Variants in FGF14 observed in about 807,000 individuals in gnomAD.
FGF14 encodes the protein fibroblast growth factor 14, also known as fibroblast growth factor homologous factor 4.
Under a neutral mutation model 25.5 loss-of-function variants are expected in FGF14, and 5 were observed. That is an observed-to-expected ratio of 0.20 (90% CI 0.10 to 0.41). FGF14 has a LOEUF of 0.41. Ranked by LOEUF, FGF14 falls within the 10% of genes least tolerant of loss-of-function variation. The pLI, the probability that FGF14 is intolerant of heterozygous loss-of-function variation, is 1.00. For synonymous variants in FGF14, 138 were observed against 118.3 expected, an observed-to-expected ratio of 1.17 and a Z score of -1.08; for missense variants, 222 against 320.1, an observed-to-expected ratio of 0.69 and a Z score of 2.34.
rs147136077 is a variant in FGF14 at position 102,109,516 on chromosome 13, A to G, written c.209-234220T>C. On this transcript the variant is annotated intron_variant, in intron 1 of 4. Transcript: ENST00000376131. Reference sequence around the variant, plus strand: ...TATATATCAAAACACCATGTTGTATACCATAAATATATACAATTATAATTT... The same window carrying G: ...TATATATCAAAACACCATGTTGTATGCCATAAATATATACAATTATAATTT... Among the ~76,000 whole-genome samples, 658 of 152,310 alleles carry G rather than the reference A, an allele frequency of 4.3e-3. 9 individuals are homozygous for G. Among genetic ancestry groups the G allele is most frequent in the African/African-American group, 0.015 (610 of 41,554 alleles).
At chr13:102,032,128 T>C (rs9557789) in intron 1 of FGF14, among the ~76,000 whole-genome samples, 56,240 of 151,850 alleles carry the variant, frequency 0.37, 11,059 homozygotes, top group East Asian at 0.73. Context: ...CTCCACATTC[T>C]CCTCAGACCA....
At position 101,739,291 on chromosome 13, in the gene FGF14, T is replaced by C. The variant is rs547966521; in HGVS notation, c.409-12481A>G. ...CAGTAAATATTTAGTGAGATCCTAG[T>C]ATTTAGCCATCACTGTTCTTGATCT... On this transcript the variant is annotated intron_variant, in intron 3 of 4. Coordinates refer to ENST00000376143, the MANE Select transcript of FGF14 (RefSeq NM_004115.4). 8.9e-4 allele frequency among the ~76,000 whole-genome samples: 136 copies of C among 152,152 alleles called. No individual in the cohort carries two copies. In the Middle Eastern group the frequency reaches 0.014, roughly 15 times the overall value.
At chr13:102,006,134 TAAG>T (rs922596006) in intron 1 of FGF14, among the ~76,000 whole-genome samples, 1 of 152,208 alleles carries the variant, frequency 6.6e-6, no homozygotes, top group African/African-American at 2.4e-5. Context: ...ATTCTGTCAT[TAAG>T]AAGTTTAAAA....
intron 3 of FGF14, among the ~76,000 whole-genome samples, chr13:101,762,030 G>C (rs574457511): frequency 1.2e-3 from 177 of 152,296 alleles, no homozygotes; most frequent in African/African-American, 4.0e-3. Flanking sequence ...ATAGGTTGAT[G>C]ATCTGTGTAG....
At chr13:101,962,817 C>T (rs1265257460) in intron 1 of FGF14, among the ~76,000 whole-genome samples, 2 of 152,268 alleles carry the variant, frequency 1.3e-5, no homozygotes, top group African/African-American at 2.4e-5. Flanking sequence ...CTTGCTGCTC[C>T]GTTTCCCTAT....
chr13:101,784,724 T>A (rs78080642), intron 3 of FGF14, among the ~76,000 whole-genome samples: 1 of 152,340 alleles, frequency 6.6e-6, no homozygotes, highest in African/African-American at 2.4e-5. Flanking sequence ...ATTTTACTCA[T>A]GGCTTTCCAG....
chr13:101,979,798 T>C (rs927933470), intron 1 of FGF14, among the ~76,000 whole-genome samples: 1 of 152,150 alleles, frequency 6.6e-6, no homozygotes, highest in Non-Finnish European at 1.5e-5. Context: ...GAACTGATTA[T>C]ACGAGGAAAA....
intron 1 of FGF14, among the ~76,000 whole-genome samples, chr13:101,977,956 A>G: frequency 6.7e-6 from 1 of 149,368 alleles, no homozygotes; most frequent in Admixed American, 6.7e-5. Context: ...AAAAAAAAAA[A>G]CTAGCATATA....
intron 1 of FGF14, among the ~76,000 whole-genome samples, chr13:102,272,740 C>A (rs1566886397): frequency 6.6e-6 from 1 of 152,012 alleles, no homozygotes; most frequent in South Asian, 2.1e-4. Context: ...AGCCCAAGAT[C>A]GTATAGATAT....
chr13:102,032,964 A>C (rs1321210235), intron 1 of FGF14, among the ~76,000 whole-genome samples: 2 of 151,970 alleles, frequency 1.3e-5, no homozygotes. Flanking sequence ...GTGGTCCAAG[A>C]CTCTTCAGAG....
At chr13:101,759,269 A>G (rs915293142) in intron 3 of FGF14, among the ~76,000 whole-genome samples, 3 of 152,092 alleles carry the variant, frequency 2.0e-5, no homozygotes, top group Non-Finnish European at 4.4e-5. Context: ...CTCAACTGGG[A>G]GTCTGAATCT....
At chr13:101,958,689 C>T (rs746553857) in intron 1 of FGF14, among the ~76,000 whole-genome samples, 1 of 152,220 alleles carries the variant, frequency 6.6e-6, no homozygotes, top group Non-Finnish European at 1.5e-5. Flanking sequence ...AAGCCAGCCT[C>T]ACACTCAGAT....
chr13:101,796,752 T>A (rs2040546346), intron 3 of FGF14, among the ~76,000 whole-genome samples: 1 of 152,064 alleles, frequency 6.6e-6, no homozygotes, highest in African/African-American at 2.4e-5. Flanking sequence ...GGCACCTTGA[T>A]TTCAGAATTC....
At chr13:101,794,415 G>A (rs2040407614) in intron 3 of FGF14, among the ~76,000 whole-genome samples, 1 of 152,106 alleles carries the variant, frequency 6.6e-6, no homozygotes, top group African/African-American at 2.4e-5. Context: ...AAGGGACTGA[G>A]ATAAATACCA....
intron 1 of FGF14, among the ~76,000 whole-genome samples, chr13:102,220,032 T>C (rs2050539741): frequency 6.6e-6 from 1 of 152,158 alleles, no homozygotes; most frequent in Non-Finnish European, 1.5e-5. Context: ...ATTATTAATA[T>C]GAATAATAAT....
chr13:102,104,085 C>A (rs1024602030), intron 1 of FGF14, among the ~76,000 whole-genome samples: 1 of 152,206 alleles, frequency 6.6e-6, no homozygotes, highest in Non-Finnish European at 1.5e-5. Context: ...TCAAGTAGTA[C>A]ATTTATCTTC....
In FGF14 at chr13:101,721,747, C is replaced by T. The variant is rs567073335; in HGVS notation, c.*1084G>A. ...CATGCTCTGCTGAGTATGAGGGGAA[C>T]GCAGCCAGAAACGGGGATGGCGTTA... On this transcript the variant is annotated 3_prime_UTR_variant, in exon 5 of 5. Coordinates refer to ENST00000376143, the MANE Select transcript of FGF14 (RefSeq NM_004115.4). 1.3e-5 allele frequency: 2 copies of T among 152,136 alleles called. No individual in the cohort carries two copies. The highest frequency in any genetic ancestry group is 6.5e-5 in the Admixed American group (1 of 15,268). 9.4% of individuals were successfully genotyped at this position (152,136 alleles called of 1,614,324 possible).
chr13:101,814,741 G>A (rs1250576248), intron 3 of FGF14, among the ~76,000 whole-genome samples: 1 of 152,204 alleles, frequency 6.6e-6, no homozygotes, highest in Non-Finnish European at 1.5e-5. Context: ...ACAGGGATCA[G>A]TGAGTAAGCA....
rs1049123627 is a variant in FGF14 at position 101,747,047 on chromosome 13, T to C, written c.409-20237A>G. 2.6e-5 allele frequency among the ~76,000 whole-genome samples: 4 copies of C among 151,944 alleles called. No individual in the cohort carries two copies. The South Asian group carries it at 8.3e-4, about 31-fold the overall frequency. On this transcript the variant is annotated intron_variant, in intron 3 of 4. Coordinates refer to ENST00000376143, the MANE Select transcript of FGF14 (RefSeq NM_004115.4). The stretch of plus-strand genomic sequence containing the variant: ...GTTTGCCTGGTAACTAAAGTCTCTA[T>C]GGTGTATAAGGCATTTTGTGGCAGG...
Sources: gnomAD v4.1 joint callset for allele counts (sites outside exome capture counted in the v4.1 genomes callset) on GRCh38, gnomAD v4.1.1 for gene constraint, MANE v1.5 for transcripts, NCBI Gene and HGNC (gene_info 2026-07-23, HGNC 2026-07-21) for gene names.